Variants in SEMA3A observed in about 807,000 individuals in gnomAD.
SEMA3A encodes the protein semaphorin 3A.
Under a neutral mutation model 97.9 loss-of-function variants are expected in SEMA3A, and 29 were observed. That is an observed-to-expected ratio of 0.30 (90% CI 0.22 to 0.40). The LOEUF (loss-of-function observed/expected upper bound fraction) is 0.40. Ranked by LOEUF, SEMA3A falls within the 10% of genes least tolerant of loss-of-function variation. The pLI is 1.00. For missense variants in SEMA3A, 763 were observed against 951.3 expected, an observed-to-expected ratio of 0.80 and a Z score of 2.60; for synonymous variants, 321 against 323.7, an observed-to-expected ratio of 0.99 and a Z score of 0.09.
chr7:84,012,759 A>G (rs1435051684), intron 7 of SEMA3A, among the ~76,000 whole-genome samples: 2 of 152,226 alleles, frequency 1.3e-5, no homozygotes, highest in African/African-American at 2.4e-5. Context: ...AAGCAAAGTA[A>G]TAAATTCTAC....
At chr7:84,052,311 G>T (rs1016054437) in intron 5 of SEMA3A, among the ~76,000 whole-genome samples, 1 of 152,124 alleles carries the variant, frequency 6.6e-6, no homozygotes, top group Non-Finnish European at 1.5e-5. Context: ...TGTACCTCTG[G>T]TACAATTCGG....
intron 15 of SEMA3A, among the ~76,000 whole-genome samples, chr7:83,973,955 TAGTG>T (rs1789026116): frequency 6.6e-6 from 1 of 151,866 alleles, no homozygotes; most frequent in Non-Finnish European, 1.5e-5. Flanking sequence ...GGCCCATTCT[TAGTG>T]AGAAAGAAAA....
At chr7:84,355,159 A>G (rs1274830505) in intron 2 of SEMA3A, among the ~76,000 whole-genome samples, 2 of 151,892 alleles carry the variant, frequency 1.3e-5, no homozygotes, top group African/African-American at 4.8e-5. Flanking sequence ...GTGTTTCACA[A>G]GTTTAGTTTA....
At chr7:84,026,500 T>G (rs962933600) in intron 6 of SEMA3A, among the ~76,000 whole-genome samples, 1 of 152,206 alleles carries the variant, frequency 6.6e-6, no homozygotes, top group African/African-American at 2.4e-5. Context: ...ACTAGGTATA[T>G]ACCAAGAAGA....
rs115879413 is a variant in SEMA3A, at chr7:84,263,611, A to G, written c.-83+43596T>C. ...GTCTGGCACATAGTCAATGCCATAT[A>G]AGCATTTGCTATTATTATTCCCTCT... On this transcript the variant is annotated intron_variant, in intron 3 of 3. Coordinates refer to the SEMA3A transcript ENST00000424555. Among the ~76,000 whole-genome samples the G allele has an allele frequency of 8.6e-3, 1,315 of 152,288 alleles. 16 individuals are homozygous for G. The highest frequency in any genetic ancestry group is 0.03 in the African/African-American group (1,257 of 41,550).
At chr7:84,378,366 A>G (rs1584275888) in intron 1 of SEMA3A, among the ~76,000 whole-genome samples, 2 of 152,282 alleles carry the variant, frequency 1.3e-5, no homozygotes, top group Admixed American at 6.5e-5. Flanking sequence ...ACACCATGGA[A>G]TACTATGCAG....
chr7:84,099,784 C>T (rs1422588252), intron 4 of SEMA3A, among the ~76,000 whole-genome samples: 3 of 152,102 alleles, frequency 2.0e-5, no homozygotes, highest in African/African-American at 7.2e-5. Context: ...GCATCTTTCA[C>T]TCAGTATCAG....
At chr7:84,491,943 T>C (rs1806745188) in intron 1 of SEMA3A, among the ~76,000 whole-genome samples, 1 of 152,168 alleles carries the variant, frequency 6.6e-6, no homozygotes, top group Non-Finnish European at 1.5e-5. Flanking sequence ...TTAGAGTTTT[T>C]AGTGTCACTT....
chr7:84,314,276 T>G (rs1801440937), intron 2 of SEMA3A, among the ~76,000 whole-genome samples: 1 of 152,102 alleles, frequency 6.6e-6, no homozygotes, highest in Admixed American at 6.6e-5. Context: ...AGGCAGAGAT[T>G]GTCATAATCA....
At chr7:83,992,163 G>A (rs1323444415) in intron 12 of SEMA3A, among the ~76,000 whole-genome samples, 2 of 150,630 alleles carry the variant, frequency 1.3e-5, no homozygotes, top group African/African-American at 2.5e-5. Context: ...GATTGGTGGT[G>A]ATATCCCCTT....
At chr7:84,415,902 C>T (rs1404100835) in intron 1 of SEMA3A, among the ~76,000 whole-genome samples, 1 of 151,938 alleles carries the variant, frequency 6.6e-6, no homozygotes, top group Non-Finnish European at 1.5e-5. Context: ...CATTGGCAAA[C>T]TTAATTACAC....
chr7:84,482,830 T>C (rs1008294220), intron 1 of SEMA3A, among the ~76,000 whole-genome samples: 4 of 151,754 alleles, frequency 2.6e-5, no homozygotes, highest in Non-Finnish European at 4.4e-5. Flanking sequence ...ACCTTATTTA[T>C]TTCAAAAAGT....
intron 6 of SEMA3A, among the ~76,000 whole-genome samples, chr7:84,024,402 C>T (rs116240476): frequency 0.013 from 1,898 of 151,652 alleles, 29 homozygotes; most frequent in African/African-American, 0.042. Context: ...AAAAATTAGA[C>T]GAGTATGGTG....
At chr7:83,994,898 G>GAC (rs1450892252) in intron 12 of SEMA3A, among the ~76,000 whole-genome samples, 10 of 152,190 alleles carry the variant, frequency 6.6e-5, no homozygotes, top group Non-Finnish European at 1.3e-4. Context: ...GGCAATGGCG[G>GAC]GCACCCCTCC....
chr7:84,248,001 G>A (rs997028374), intron 3 of SEMA3A, among the ~76,000 whole-genome samples: 2 of 152,104 alleles, frequency 1.3e-5, no homozygotes, highest in African/African-American at 4.8e-5. Context: ...TTTTCAACAT[G>A]AATAATTCTG....
intron 1 of SEMA3A, among the ~76,000 whole-genome samples, chr7:84,447,303 G>T (rs1805439321): frequency 6.6e-6 from 1 of 152,154 alleles, no homozygotes; most frequent in Non-Finnish European, 1.5e-5. Context: ...TGATTGATTG[G>T]TAACAGGAGG....
chr7:84,487,165 T>A (rs972148528), intron 1 of SEMA3A, among the ~76,000 whole-genome samples: 7 of 152,070 alleles, frequency 4.6e-5, no homozygotes, highest in African/African-American at 1.7e-4. Flanking sequence ...AAAGAAATAT[T>A]TAATATTAAG....
At chr7:84,079,895 C>T (rs1794090224) in intron 4 of SEMA3A, among the ~76,000 whole-genome samples, 2 of 147,626 alleles carry the variant, frequency 1.4e-5, no homozygotes, top group Non-Finnish European at 3.0e-5. Context: ...TATAAAGACA[C>T]TTGCGCACGT....
intron 1 of SEMA3A, among the ~76,000 whole-genome samples, chr7:84,441,719 C>T (rs1165708420): frequency 1.3e-5 from 2 of 152,002 alleles, no homozygotes; most frequent in East Asian, 1.9e-4. Flanking sequence ...TAAAGAGACA[C>T]ACATGGAGAT....
Sources: gnomAD v4.1 joint callset for allele counts (sites outside exome capture counted in the v4.1 genomes callset) on GRCh38, gnomAD v4.1.1 for gene constraint, MANE v1.5 for transcripts, NCBI Gene and HGNC (gene_info 2026-07-23, HGNC 2026-07-21) for gene names.